Variants in SUGCT observed in about 807,000 individuals in gnomAD.
The protein encoded by SUGCT is succinyl-CoA:glutarate CoA-transferase.
A neutral mutation model predicts 55.0 loss-of-function variants in SUGCT; 41 were observed. The ratio of observed to expected loss-of-function variants is 0.74; its 90% CI spans 0.58 to 0.97. The LOEUF (loss-of-function observed/expected upper bound fraction) is 0.97, where lower values mean the gene tolerates loss of function less well. Among genes scored for constraint, SUGCT ranks in the 50% least tolerant of loss-of-function variants. The pLI, the probability that SUGCT is intolerant of heterozygous loss-of-function variation, is 0.00. For synonymous variants in SUGCT, 187 were observed against 200.4 expected, an observed-to-expected ratio of 0.93 and a Z score of 0.56; for missense variants, 568 against 547.8, an observed-to-expected ratio of 1.04 and a Z score of -0.37.
intron 6 of SUGCT, 41 bp from the exon 7 acceptor site, chr7:40,237,594 A>G (rs752343214): frequency 6.7e-7 from 1 of 1,495,678 alleles, no homozygotes; most frequent in Non-Finnish European, 9.3e-7. Context: ...GTTTTAGCAC[A>G]CCCTGTGTGG....
At chr7:40,800,470 T>C (rs1790762318) in intron 13 of SUGCT, among the ~76,000 whole-genome samples, 1 of 151,954 alleles carries the variant, frequency 6.6e-6, no homozygotes, top group African/African-American at 2.4e-5. Context: ...TTTTGTATTT[T>C]TAGTAGAGAC....
chr7:40,144,841 G>T (rs1788162550), intron 1 of SUGCT, among the ~76,000 whole-genome samples: 1 of 152,118 alleles, frequency 6.6e-6, no homozygotes, highest in South Asian at 2.1e-4. Flanking sequence ...AATGCTTCCT[G>T]TATGATTTTT....
chr7:40,789,773 G>A (rs1790215700), intron 13 of SUGCT, among the ~76,000 whole-genome samples: 1 of 152,114 alleles, frequency 6.6e-6, no homozygotes, highest in Admixed American at 6.6e-5. Context: ...GACTTTTATT[G>A]TGTACCTTTT....
rs529600870 is a variant in SUGCT, at chr7:40,156,269, C to T, written c.100+21149C>T. ...ACGAGGTCAGGAGATCGAGAGCATC[C>T]TGGCTAACACAGTGAAACCCCGTCT... On this transcript the variant is annotated intron_variant, in intron 1 of 13. Transcript: ENST00000335693. Among the ~76,000 whole-genome samples, 105 of 152,146 alleles carry T rather than the reference C, an allele frequency of 6.9e-4. 1 individual carries two copies. The Middle Eastern group carries it at 0.02, about 30-fold the overall frequency.
intron 9 of SUGCT, among the ~76,000 whole-genome samples, chr7:40,439,282 T>C (rs956291183): frequency 1.3e-5 from 2 of 151,444 alleles, no homozygotes; most frequent in Non-Finnish European, 2.9e-5. Flanking sequence ...ACCTTACTTA[T>C]TCAGCTACTC....
At chr7:40,735,275 T>C (rs1206670106) in intron 12 of SUGCT, among the ~76,000 whole-genome samples, 1 of 152,236 alleles carries the variant, frequency 6.6e-6, no homozygotes, top group Admixed American at 6.5e-5. Flanking sequence ...AGTTCATAAA[T>C]CACCTTTGTA....
At chr7:40,937,953 G>A in the SUGCT span, among the ~76,000 whole-genome samples, 11 of 152,120 alleles carry the variant, frequency 7.2e-5, no homozygotes, top group African/African-American at 2.4e-4. Context: ...TTCTCATAAG[G>A]AGCACACAAC....
intron 3 of SUGCT, among the ~76,000 whole-genome samples, chr7:40,184,033 G>A (rs1785362567): frequency 6.6e-6 from 1 of 152,038 alleles, no homozygotes; most frequent in Admixed American, 6.6e-5. Context: ...AAATTAGTGG[G>A]GCATGGTGGC....
At chr7:40,411,081 C>G (rs1219605293) in intron 9 of SUGCT, among the ~76,000 whole-genome samples, 1 of 152,162 alleles carries the variant, frequency 6.6e-6, no homozygotes. Context: ...TCTCACTTTT[C>G]TCTAACACAC....
intron 1 of SUGCT, among the ~76,000 whole-genome samples, chr7:40,166,294 T>C (rs1784420887): frequency 6.6e-6 from 1 of 152,218 alleles, no homozygotes; most frequent in African/African-American, 2.4e-5. Flanking sequence ...GCAATGTCAC[T>C]GAGCTCTTAT....
At chr7:40,955,430 T>C in the SUGCT span, among the ~76,000 whole-genome samples, 1 of 152,228 alleles carries the variant, frequency 6.6e-6, no homozygotes, top group Admixed American at 6.5e-5. Flanking sequence ...TTTGGCTCTC[T>C]GTTTTTCTGT....
chr7:40,235,307 G>T (rs1788949525), intron 6 of SUGCT, among the ~76,000 whole-genome samples: 1 of 152,000 alleles, frequency 6.6e-6, no homozygotes. Flanking sequence ...ACTTTTTATA[G>T]ATTGTTTTTG....
At chr7:40,425,928 T>C (rs894997845) in intron 9 of SUGCT, among the ~76,000 whole-genome samples, 3 of 152,166 alleles carry the variant, frequency 2.0e-5, no homozygotes, top group Non-Finnish European at 4.4e-5. Flanking sequence ...GCGCTTCTGT[T>C]TCCTCAACAG....
rs549477124 is a variant in SUGCT at position 40,587,723 on chromosome 7, A to G, written c.1089+91337A>G. Among the ~76,000 whole-genome samples the G allele has an allele frequency of 3.3e-5, 5 of 152,322 alleles. No individual in the cohort carries two copies. In the South Asian group the frequency reaches 1.0e-3, roughly 32 times the overall value. ...TTGTGTTTAAATGAAAATAGCTACCATATGAAATCATCAATCCTTTTAAAG... is the reference window on the plus strand; with the variant it reads ...TTGTGTTTAAATGAAAATAGCTACCGTATGAAATCATCAATCCTTTTAAAG... On this transcript the variant is annotated intron_variant, in intron 12 of 13. Coordinates refer to ENST00000335693, the MANE Select transcript of SUGCT (RefSeq NM_001193313.2).
chr7:40,525,008 A>C (rs1036376435), intron 12 of SUGCT, among the ~76,000 whole-genome samples: 5 of 152,164 alleles, frequency 3.3e-5, no homozygotes, highest in Admixed American at 3.3e-4. Flanking sequence ...CTCAATATTT[A>C]ATTCAAATGC....
At chr7:40,781,238 C>A (rs774847254) in intron 13 of SUGCT, among the ~76,000 whole-genome samples, 3 of 152,116 alleles carry the variant, frequency 2.0e-5, no homozygotes, top group Non-Finnish European at 4.4e-5. Flanking sequence ...TATTCTTAGC[C>A]TTGGGCCTCT....
At chr7:40,377,174 C>G (rs1304312303) in intron 9 of SUGCT, among the ~76,000 whole-genome samples, 1 of 15,482 alleles carries the variant, frequency 6.5e-5, no homozygotes, top group East Asian at 1.2e-3. Context: ...TTCTTTCTTT[C>G]TTTCTTTCTT....
intron 13 of SUGCT, among the ~76,000 whole-genome samples, chr7:40,817,162 A>T (rs1791712071): frequency 6.6e-6 from 1 of 152,168 alleles, no homozygotes. Flanking sequence ...TTACTTATTT[A>T]TCCACTCAAA....
At chr7:40,441,135 C>G (rs1788492825) in intron 9 of SUGCT, among the ~76,000 whole-genome samples, 1 of 152,084 alleles carries the variant, frequency 6.6e-6, no homozygotes, top group Non-Finnish European at 1.5e-5. Flanking sequence ...TGAGTTATAT[C>G]AACAAATATT....
Sources: allele counts gnomAD v4.1 joint callset (sites outside exome capture counted in the v4.1 genomes callset), GRCh38; gene constraint gnomAD v4.1.1; transcripts MANE v1.5; gene names NCBI Gene and HGNC (gene_info 2026-07-23, HGNC 2026-07-21).